AGBL4: variants seen among roughly 807,000 people sequenced by gnomAD.
AGBL4 encodes cytosolic carboxypeptidase 6.
Under a neutral mutation model 66.4 loss-of-function variants are expected in AGBL4, and 58 were observed. The ratio of observed to expected loss-of-function variants is 0.87; its 90% CI spans 0.71 to 1.09. AGBL4 has a LOEUF of 1.09. Ranked by LOEUF, AGBL4 falls within the 50% of genes least tolerant of loss-of-function variation. AGBL4 has a pLI of 0.00. For synonymous variants in AGBL4, 234 were observed against 222.9 expected (o/e 1.05, Z -0.44); for missense variants, 579 against 631.0 (o/e 0.92, Z 0.88).
intron 4 of AGBL4, among the ~76,000 whole-genome samples, chr1:49,127,466 A>T (rs1412482618): frequency 6.6e-6 from 1 of 152,060 alleles, no homozygotes; most frequent in Non-Finnish European, 1.5e-5. Flanking sequence ...TAAATGGCCA[A>T]TTGGGGTCTG....
downstream of AGBL4, among the ~76,000 whole-genome samples, chr1:48,531,713 T>A (rs1287818597): frequency 6.6e-6 from 1 of 152,168 alleles, no homozygotes; most frequent in East Asian, 1.9e-4. Context: ...TGTTTAGCTT[T>A]TTGGAGACTG....
chr1:49,618,623 C>T (rs1225415280), intron 3 of AGBL4, among the ~76,000 whole-genome samples: 1 of 152,088 alleles, frequency 6.6e-6, no homozygotes, highest in African/African-American at 2.4e-5. Flanking sequence ...TTTATGAGGC[C>T]AGCATCATCC....
At chr1:49,970,944 G>A (rs1266379338) in intron 1 of AGBL4, among the ~76,000 whole-genome samples, 1 of 152,200 alleles carries the variant, frequency 6.6e-6, no homozygotes, top group East Asian at 1.9e-4. Flanking sequence ...CCTCTTTAAC[G>A]CAGGGAATGA....
chr1:49,004,236 G>A (rs1459336940), intron 5 of AGBL4, among the ~76,000 whole-genome samples: 2 of 152,166 alleles, frequency 1.3e-5, no homozygotes, highest in Non-Finnish European at 2.9e-5. Flanking sequence ...AATATGAGCT[G>A]AACAAATCCA....
chr1:49,269,798 A>G (rs1034728342), intron 3 of AGBL4, among the ~76,000 whole-genome samples: 3 of 152,116 alleles, frequency 2.0e-5, no homozygotes, highest in Non-Finnish European at 2.9e-5. Context: ...TGTACACGTT[A>G]ATAAATTTAT....
chr1:48,776,600 G>A, intron 6 of AGBL4: 1 of 1,409,260 alleles, frequency 7.1e-7, no homozygotes, highest in Non-Finnish European at 9.2e-7. Flanking sequence ...CCGCCCGCTT[G>A]CTCACCTGCC....
At chr1:49,372,611 CT>C (rs1187077117) in intron 3 of AGBL4, among the ~76,000 whole-genome samples, 2 of 9,942 alleles carry the variant, frequency 2.0e-4, no homozygotes, top group South Asian at 4.2e-3. Context: ...TTTTCTTTTT[CT>C]TTCTTTCTTT....
Position 49,010,500 on chromosome 1 carries a change from G to A in AGBL4, c.594+35084C>T, listed in dbSNP as rs879603116. On this transcript the variant is annotated intron_variant, in intron 5 of 13. Transcript: ENST00000371839. ...ATGCCATGCCCATCAAGCTACCAAT[G>A]CCTTTCTTCACAGAATTGGAAAAAA... Among the ~76,000 whole-genome samples, 592 of 138,050 alleles carry A rather than the reference G, an allele frequency of 4.3e-3. 2 individuals are homozygous for A. Among genetic ancestry groups the A allele is most frequent in the Non-Finnish European group, 6.1e-3 (401 of 65,328 alleles). The allele number at this position is 138,050 out of a possible 152,430, so 90.6% of individuals were successfully genotyped here. A position where few individuals can be genotyped will look rare whatever the true frequency, so the allele number is the denominator to read the frequency against.
intron 6 of AGBL4, among the ~76,000 whole-genome samples, chr1:48,851,076 T>C (rs1277464152): frequency 1.3e-5 from 2 of 152,206 alleles, no homozygotes; most frequent in Non-Finnish European, 2.9e-5. Flanking sequence ...AAACCACTTG[T>C]AGTGGTTGTC....
chr1:49,455,119 T>C (rs546617790), intron 3 of AGBL4, among the ~76,000 whole-genome samples: 1 of 151,698 alleles, frequency 6.6e-6, no homozygotes, highest in Non-Finnish European at 1.5e-5. Flanking sequence ...GCTTAATCAC[T>C]GCTTAGTCAC....
intron 2 of AGBL4, among the ~76,000 whole-genome samples, chr1:49,827,697 G>A (rs1645546915): frequency 6.6e-6 from 1 of 152,090 alleles, no homozygotes; most frequent in Non-Finnish European, 1.5e-5. Flanking sequence ...CTTATGATTG[G>A]TTTACTTATC....
intron 4 of AGBL4, among the ~76,000 whole-genome samples, chr1:49,145,004 A>G (rs1211558353): frequency 1.3e-5 from 2 of 152,270 alleles, no homozygotes; most frequent in East Asian, 3.9e-4. Context: ...AAGGTAAGAA[A>G]GACAGGATGG....
intron 3 of AGBL4, among the ~76,000 whole-genome samples, chr1:49,274,584 A>C (rs1644130440): frequency 6.6e-6 from 1 of 152,134 alleles, no homozygotes; most frequent in Non-Finnish European, 1.5e-5. Flanking sequence ...TTATTGTTTT[A>C]CTTTGATTCT....
intron 5 of AGBL4, among the ~76,000 whole-genome samples, chr1:48,999,726 G>T (rs1190136623): frequency 2.0e-5 from 3 of 151,994 alleles, no homozygotes; most frequent in African/African-American, 7.3e-5. Flanking sequence ...CCACAAAGAA[G>T]CCTGAAGGAC....
At chr1:49,069,594 T>C (rs1644559114) in intron 4 of AGBL4, among the ~76,000 whole-genome samples, 1 of 151,916 alleles carries the variant, frequency 6.6e-6, no homozygotes, top group African/African-American at 2.4e-5. Flanking sequence ...GGTCTATGTA[T>C]CTGTTGTGGT....
chr1:48,938,312 AAAAC>A (rs1655651920), intron 5 of AGBL4, among the ~76,000 whole-genome samples: 1 of 152,206 alleles, frequency 6.6e-6, no homozygotes, highest in Non-Finnish European at 1.5e-5. Context: ...TCCAGTGGTA[AAAAC>A]AAACAAATAT....
intron 3 of AGBL4, among the ~76,000 whole-genome samples, chr1:49,603,854 T>G (rs145957767): frequency 6.6e-6 from 1 of 151,886 alleles, no homozygotes; most frequent in African/African-American, 2.4e-5. Context: ...CTTAGAATGA[T>G]AGCCTCCAGT....
At position 48,539,632 on chromosome 1, in the gene AGBL4, T is replaced by G. The variant is rs116032920; in HGVS notation, c.1364+10A>C. On this transcript the variant is annotated intron_variant, in intron 12 of 13. Coordinates refer to ENST00000371839, the MANE Select transcript of AGBL4 (RefSeq NM_032785.4). ...AACTCAAGCCGAAACCTCTCTGCTCTGCCACTTACCGCAGTCTCGGCATGG... is the reference window on the plus strand; with the variant it reads ...AACTCAAGCCGAAACCTCTCTGCTCGGCCACTTACCGCAGTCTCGGCATGG... 1,240 of 1,529,462 alleles carry G rather than the reference T, an allele frequency of 8.1e-4. 5 individuals carry two copies. The African/African-American group carries it at 0.015, about 18-fold the overall frequency. The allele number at this position is 1,529,462 out of a possible 1,614,324, so 94.7% of individuals were successfully genotyped here.
chr1:49,840,102 G>GTT (rs971547550), intron 2 of AGBL4, among the ~76,000 whole-genome samples: 2 of 151,014 alleles, frequency 1.3e-5, no homozygotes, highest in Non-Finnish European at 3.0e-5. Flanking sequence ...CTGGTCCAGG[G>GTT]TTTTTTTTTG....
Sources: allele counts gnomAD v4.1 joint callset (sites outside exome capture counted in the v4.1 genomes callset), GRCh38; gene constraint gnomAD v4.1.1; transcripts MANE v1.5; gene names NCBI Gene and HGNC (gene_info 2026-07-23, HGNC 2026-07-21).